The following DAB2IP variants were observed in gnomAD, a reference collection of about 807,000 sequenced individuals.
DAB2IP encodes the protein disabled homolog 2-interacting protein.
Under a neutral mutation model 107.2 loss-of-function variants are expected in DAB2IP, and 28 were observed. The observed-to-expected ratio is 0.26, with a 90% CI of 0.19 to 0.36. The LOEUF (loss-of-function observed/expected upper bound fraction) is 0.36, where lower values mean the gene tolerates loss of function less well. Ranked by LOEUF, DAB2IP falls within the 10% of genes least tolerant of loss-of-function variation. DAB2IP has a pLI of 1.00. For missense variants in DAB2IP, 1,400 were observed against 1,644.7 expected (o/e 0.85, Z 2.57); for synonymous variants, 755 against 706.4 (o/e 1.07, Z -1.09).
chr9:121,677,853 G>C (rs1320938132), intron 1 of DAB2IP, among the ~76,000 whole-genome samples: 2 of 152,058 alleles, frequency 1.3e-5, no homozygotes, highest in African/African-American at 4.8e-5. Context: ...GTAGAGACAG[G>C]GTTTCACCAT....
At chr9:121,774,531 C>A in intron 13 of DAB2IP, 119 bp downstream of exon 13, 1 of 1,160,076 alleles carries the variant, frequency 8.6e-7, no homozygotes, top group Non-Finnish European at 1.2e-6. Flanking sequence ...AAGGGCCCGT[C>A]ACCTCTGAGC....
chr9:121,611,227 G>C (rs1209935821), intron 1 of DAB2IP, among the ~76,000 whole-genome samples: 6 of 152,188 alleles, frequency 3.9e-5, no homozygotes, highest in African/African-American at 1.4e-4. Context: ...GGCTGCCTCA[G>C]CCTCCCAAAG....
intron 9 of DAB2IP, among the ~76,000 whole-genome samples, chr9:121,767,469 C>T (rs1484879683): frequency 6.6e-6 from 1 of 151,590 alleles, no homozygotes; most frequent in African/African-American, 2.4e-5. Flanking sequence ...TCCAGGGTGA[C>T]ATGATCCCCC....
intron 1 of DAB2IP, among the ~76,000 whole-genome samples, chr9:121,615,335 C>A (rs1476014312): frequency 6.6e-6 from 1 of 152,218 alleles, no homozygotes; most frequent in Admixed American, 6.5e-5. Flanking sequence ...CCAGAACTTT[C>A]CAAACCTCTG....
At chr9:121,678,416 T>C (rs1828391800) in intron 1 of DAB2IP, among the ~76,000 whole-genome samples, 2 of 152,264 alleles carry the variant, frequency 1.3e-5, no homozygotes, top group South Asian at 4.1e-4. Context: ...TTCCACCATT[T>C]GGCTGTTGTG....
At chr9:121,582,541 C>T (rs768760481) in intron 1 of DAB2IP, among the ~76,000 whole-genome samples, 5 of 152,036 alleles carry the variant, frequency 3.3e-5, no homozygotes, top group East Asian at 1.9e-4. Context: ...CCTCCACTGG[C>T]GCCCCCGTGA....
At chr9:121,611,025 G>C (rs553032640) in intron 1 of DAB2IP, among the ~76,000 whole-genome samples, 1 of 152,252 alleles carries the variant, frequency 6.6e-6, no homozygotes, top group South Asian at 2.1e-4. Flanking sequence ...CACCCATGCT[G>C]GAGTGAGTGG....
chr9:121,618,776 T>C (rs1035919260), intron 1 of DAB2IP, among the ~76,000 whole-genome samples: 5 of 152,182 alleles, frequency 3.3e-5, no homozygotes, highest in Non-Finnish European at 7.3e-5. Flanking sequence ...TGAGAAAGAT[T>C]CTGAAACCAC....
In DAB2IP at chr9:121,776,814, C is replaced by T. The variant is rs1026361200; in HGVS notation, c.3314+423C>T. 6.6e-6 allele frequency among the ~76,000 whole-genome samples: 1 copy of T among 151,940 alleles called. No individual in the cohort carries two copies. The highest frequency in any genetic ancestry group is 2.4e-5 in the African/African-American group (1 of 41,358). ...GATGAAGGTGGAAGACACAGCGTAGCCCCCAGATTCCTACCAAGAGTGTCT... is the reference window on the plus strand; with the variant it reads ...GATGAAGGTGGAAGACACAGCGTAGTCCCCAGATTCCTACCAAGAGTGTCT... On this transcript the variant is annotated intron_variant, in intron 14 of 15. Coordinates refer to ENST00000408936, the Ensembl canonical transcript of DAB2IP. The surrounding 1 kb of genome is among the most constrained non-coding windows in gnomAD (Gnocchi z 5.4).
chr9:121,749,802 A>G (rs940918243), intron 3 of DAB2IP, among the ~76,000 whole-genome samples: 4 of 152,224 alleles, frequency 2.6e-5, no homozygotes, highest in Non-Finnish European at 5.9e-5. Context: ...AAACTGAGGC[A>G]TGGAGAACGT....
At chr9:121,642,029 CTCTTTCTTTCTT>C (rs1156645580) in intron 1 of DAB2IP, among the ~76,000 whole-genome samples, 7 of 26,716 alleles carry the variant, frequency 2.6e-4, no homozygotes, top group Admixed American at 9.1e-4. Flanking sequence ...CTCTCTCTCT[CTCTTTCTTTCTT>C]TCTTTCTTTC....
At chr9:121,734,586 G>A (rs1327289411) in intron 3 of DAB2IP, among the ~76,000 whole-genome samples, 1 of 152,212 alleles carries the variant, frequency 6.6e-6, no homozygotes, top group Non-Finnish European at 1.5e-5. Flanking sequence ...TATGAGAGCT[G>A]TCATGCAAAG....
chr9:121,588,472 G>A (rs1830352091), intron 1 of DAB2IP, among the ~76,000 whole-genome samples: 1 of 150,942 alleles, frequency 6.6e-6, no homozygotes, highest in South Asian at 2.1e-4. Context: ...AGGTATTCAT[G>A]CATAGGAGAT....
intron 1 of DAB2IP, among the ~76,000 whole-genome samples, chr9:121,620,926 A>G (rs1042067250): frequency 3.9e-5 from 6 of 152,210 alleles, no homozygotes; most frequent in Non-Finnish European, 8.8e-5. Context: ...CTCTAAAAGC[A>G]CATCAACCAA....
intron 1 of DAB2IP, among the ~76,000 whole-genome samples, chr9:121,655,879 C>T (rs1012779253): frequency 2.6e-5 from 4 of 152,132 alleles, no homozygotes; most frequent in African/African-American, 9.7e-5. Flanking sequence ...ACACACCCCT[C>T]TTGCATGCCT....
intron 1 of DAB2IP, among the ~76,000 whole-genome samples, chr9:121,672,961 A>G (rs932550154): frequency 1.3e-5 from 2 of 152,268 alleles, no homozygotes; most frequent in Non-Finnish European, 2.9e-5. Context: ...CAAAGGCAGC[A>G]TGCTGGGGCC....
intron 3 of DAB2IP, among the ~76,000 whole-genome samples, chr9:121,745,244 A>G (rs1221930036): frequency 1.4e-4 from 21 of 152,162 alleles, no homozygotes; most frequent in Admixed American, 1.4e-3. Flanking sequence ...ATGTGGGCTC[A>G]CTGTGGTGTG....
At chr9:121,637,958 G>A (rs534903638) in intron 1 of DAB2IP, among the ~76,000 whole-genome samples, 17 of 152,148 alleles carry the variant, frequency 1.1e-4, no homozygotes, top group Admixed American at 5.9e-4. Flanking sequence ...CCAGGGGTCC[G>A]AGGGGCTCTG....
exon 16 of DAB2IP, chr9:121,784,591 C>G: frequency 6.5e-6 from 1 of 154,898 alleles, no homozygotes. Context: ...AATTGCAAGT[C>G]TGCCGATTTT....
Sources: allele counts gnomAD v4.1 joint callset (sites outside exome capture counted in the v4.1 genomes callset), GRCh38; gene constraint gnomAD v4.1.1; non-coding constraint Gnocchi (gnomAD v3.1); transcripts MANE v1.5; gene names NCBI Gene and HGNC (gene_info 2026-07-23, HGNC 2026-07-21).